PON2: variants seen among roughly 807,000 people sequenced by gnomAD.
The protein encoded by PON2 is paraoxonase 2.
In PON2, 27 loss-of-function variants were observed where a neutral mutation model predicts 36.6. The ratio of observed to expected loss-of-function variants is 0.74; its 90% CI spans 0.54 to 1.02. The LOEUF (loss-of-function observed/expected upper bound fraction) is 1.02. Among genes scored for constraint, PON2 ranks in the 50% least tolerant of loss-of-function variants. The pLI, the probability that PON2 is intolerant of heterozygous loss-of-function variation, is 0.00. For synonymous variants in PON2, 149 were observed against 156.3 expected, an observed-to-expected ratio of 0.95 and a Z score of 0.35; for missense variants, 363 against 421.1, an observed-to-expected ratio of 0.86 and a Z score of 1.21.
intron 1 of PON2, among the ~76,000 whole-genome samples, chr7:95,430,404 G>T (rs1789411706): frequency 6.6e-6 from 1 of 151,788 alleles, no homozygotes; most frequent in South Asian, 2.1e-4. Context: ...GGGTTCAAGT[G>T]ATTCTCCTGC....
chr7:95,434,530 A>G (rs1789516933), intron 1 of PON2, among the ~76,000 whole-genome samples: 1 of 152,264 alleles, frequency 6.6e-6, no homozygotes. Flanking sequence ...ATGCATGAGT[A>G]GTCATTTTGT....
intron 2 of PON2, among the ~76,000 whole-genome samples, chr7:95,420,822 A>G (rs1461022132): frequency 6.6e-6 from 1 of 152,202 alleles, no homozygotes; most frequent in Non-Finnish European, 1.5e-5. Context: ...CCTGTATAGA[A>G]ATGTGTGTCC....
intron 1 of PON2, among the ~76,000 whole-genome samples, chr7:95,433,298 C>G (rs904181598): frequency 6.6e-6 from 1 of 151,924 alleles, no homozygotes; most frequent in Non-Finnish European, 1.5e-5. Context: ...TGGGATCTTG[C>G]TATGTTGCCC....
At chr7:95,406,417 A>T (rs1257962051) in intron 7 of PON2, 170 bp from the exon 8 acceptor site, 1 of 690,334 alleles carries the variant, frequency 1.4e-6, no homozygotes, top group Non-Finnish European at 2.4e-6. Flanking sequence ...GTTTGGAGCC[A>T]CTTTTCTTCT....
chr7:95,416,218 T>A, intron 3 of PON2, 24 bp downstream of exon 3: 1 of 1,611,330 alleles, frequency 6.2e-7, no homozygotes, highest in Middle Eastern at 1.7e-4. Flanking sequence ...TCTGCTGAAT[T>A]TGGGGAAGGA....
chr7:95,409,710 A>G (rs1322347757), intron 6 of PON2, 191 bp downstream of exon 6: 4 of 185,500 alleles, frequency 2.2e-5, no homozygotes, highest in Non-Finnish European at 4.2e-5. Context: ...ATATAAATAC[A>G]TGTGACTAAG....
Position 95,434,963 on chromosome 7 carries a change from CG to C in PON2, c.-13del, listed in dbSNP as rs1222208547. The C allele has an allele frequency of 3.9e-6, 6 of 1,522,810 alleles. No homozygotes were observed. In the Admixed American group the frequency reaches 1.2e-4, roughly 31 times the overall value. The allele number at this position is 1,522,810 out of a possible 1,614,324, so 94.3% of individuals were successfully genotyped here. A position where few individuals can be genotyped will look rare whatever the true frequency, so the allele number is the denominator to read the frequency against. ...ACCAGCCGCCCCATGGCGCGGGAGC[CG>C]GGCGCGCTGCCTCGCTCCGGCCTGG... On this transcript the variant is annotated 5_prime_UTR_variant, in exon 1 of 9. Transcript: ENST00000222572.
chr7:95,408,287 G>A (rs1346397479), intron 6 of PON2, among the ~76,000 whole-genome samples: 3 of 152,194 alleles, frequency 2.0e-5, no homozygotes, highest in Admixed American at 6.5e-5. Flanking sequence ...AAAAATCCAA[G>A]TAGACAGAAA....
chr7:95,411,724 T>G lies in PON2; in HGVS notation c.423A>C (p.Glu141Asp). 6.2e-7 allele frequency: 1 copy of G among 1,613,626 alleles called. No individual in the cohort carries two copies. The part of the protein sequence containing the change: ...VNHPEFKNTV[E>D]IFKFEEAENS... ...TTTCTGCTTCTTCAAATTTAAAAAT[T>G]TCCACTGTATTCTTGAATTCTGGGT... Residue 141 changes from glutamate (E) to aspartate (D), a missense_variant, in exon 5 of 9, where the codon GAA becomes GAC. Glu to Asp is a conservative substitution (Grantham distance 45). Transcript: ENST00000222572.
Position 95,406,136 on chromosome 7 carries a change from T to C in PON2, c.889A>G (p.Asn297Asp), listed in dbSNP as rs1809682191. 6.2e-7 allele frequency: 1 copy of C among 1,613,724 alleles called. No individual in the cohort carries two copies. The highest frequency in any genetic ancestry group is 8.5e-7 in the Non-Finnish European group (1 of 1,179,790). The change falls in exon 8 of 9, where the codon AAT (asparagine) becomes GAT (aspartate). Residue 297 changes from asparagine to aspartate, a missense_variant. Physicochemically the swap from Asn to Asp is conservative, Grantham distance 23. Coordinates refer to ENST00000222572, the MANE Select transcript of PON2 (RefSeq NM_000305.3). ...ATAAAAACCTCTGACGAGGGAGGATTGTTCGGGTCATACACGAAGAGCTTC... is the reference window on the plus strand; with the variant it reads ...ATAAAAACCTCTGACGAGGGAGGATCGTTCGGGTCATACACGAAGAGCTTC... The part of the protein sequence containing the change: ...GQKLFVYDPN[N>D]PPSSEVLRIQ...
chr7:95,417,050 T>C (rs1380105368), intron 2 of PON2, among the ~76,000 whole-genome samples: 2 of 152,158 alleles, frequency 1.3e-5, no homozygotes, highest in African/African-American at 4.8e-5. Context: ...AGACAGATAA[T>C]AGACCCAAAC....
At chr7:95,413,315 T>C (rs1044252371) in intron 3 of PON2, among the ~76,000 whole-genome samples, 5 of 152,086 alleles carry the variant, frequency 3.3e-5, no homozygotes, top group Admixed American at 6.6e-5. Flanking sequence ...ATGACAGTTT[T>C]GTCTTTTTCT....
rs1325898065 is a variant in PON2, at chr7:95,407,078, A to C, written c.696-10T>G. 3.8e-6 allele frequency: 6 copies of C among 1,561,932 alleles called. No homozygotes were observed. Among genetic ancestry groups the C allele is most frequent in the Non-Finnish European group, 5.3e-6 (6 of 1,133,484 alleles). On this transcript the variant is annotated splice_polypyrimidine_tract_variant and intron_variant, in intron 6 of 8. Transcript: ENST00000222572. ...AGCAACATAGATATACCTTTGCAGA[A>C]AGGACACAGTGGTTAGAGCTCCATG...
At chr7:95,416,469 G>A in intron 2 of PON2, 172 bp from the exon 3 acceptor site, 1 of 697,250 alleles carries the variant, frequency 1.4e-6, no homozygotes. Context: ...ACCCCTTCCT[G>A]AAGTGAACTT....
chr7:95,421,836 C>T (rs1182792067), intron 2 of PON2, among the ~76,000 whole-genome samples: 1 of 152,106 alleles, frequency 6.6e-6, no homozygotes, highest in East Asian at 1.9e-4. Flanking sequence ...GGGAGGCAAG[C>T]AAGGTATTTG....
At chr7:95,429,380 T>A (rs973341018) in intron 1 of PON2, among the ~76,000 whole-genome samples, 6 of 152,216 alleles carry the variant, frequency 3.9e-5, no homozygotes, top group African/African-American at 1.4e-4. Context: ...TTTTTATGGC[T>A]GCATAGTATT....
chr7:95,418,037 T>C (rs977251362), intron 2 of PON2: 30 of 152,336 alleles, frequency 2.0e-4, no homozygotes, highest in African/African-American at 6.7e-4. Flanking sequence ...TTTAACTCCA[T>C]TGCCTAATTC....
Position 95,406,971 on chromosome 7 carries a change from A to G in PON2, c.777+16T>C. On this transcript the variant is annotated intron_variant, in intron 7 of 8. Coordinates refer to ENST00000222572, the MANE Select transcript of PON2 (RefSeq NM_000305.3). The stretch of plus-strand genomic sequence containing the variant: ...CATAATAGATTACTGTCTATATGTA[A>G]AAATAAATATTTTACCTTCAACTGA... 7.0e-7 allele frequency: 1 copy of G among 1,433,888 alleles called. No homozygotes were observed. The highest frequency in any genetic ancestry group is 9.8e-7 in the Non-Finnish European group (1 of 1,024,870). The allele number at this position is 1,433,888 out of a possible 1,614,324, so 88.8% of individuals were successfully genotyped here.
chr7:95,406,118 CCT>C lies in PON2; in HGVS notation c.905_906del (p.Glu302GlyfsTer10), dbSNP rs1450540142. 1.9e-6 allele frequency: 3 copies of C among 1,613,376 alleles called. No individual in the cohort carries two copies. The highest frequency in any genetic ancestry group is 1.3e-5 in the African/African-American group (1 of 74,986). ...GTTTAAAAAACTGAAAATATAAAAA[CCT>C]CTGACGAGGGAGGATTGTTCGGGTC... ...VYDPNNPPSS[E>X]VLRIQNILSE... On this transcript the variant is annotated frameshift_variant and splice_region_variant, in exon 8 of 9. Transcript: ENST00000222572. LOFTEE classifies it high-confidence loss of function.
Sources: allele counts gnomAD v4.1 joint callset (sites outside exome capture counted in the v4.1 genomes callset), GRCh38; gene constraint gnomAD v4.1.1; transcripts MANE v1.5; gene names NCBI Gene and HGNC (gene_info 2026-07-23, HGNC 2026-07-21).